Variants in CAPN3 observed in about 807,000 individuals in gnomAD.
CAPN3 encodes the protein calpain 3.
A neutral mutation model predicts 114.0 loss-of-function variants in CAPN3; 88 were observed. The ratio of observed to expected loss-of-function variants is 0.77; its 90% CI spans 0.65 to 0.92. The LOEUF (loss-of-function observed/expected upper bound fraction) is 0.92, where lower values mean the gene tolerates loss of function less well. CAPN3 is among the 40% of genes least tolerant of loss of function. The pLI is 0.00. For missense variants in CAPN3, 1,028 were observed against 1,069.0 expected (o/e 0.96, Z 0.53); for synonymous variants, 386 against 382.9 (o/e 1.01, Z -0.09).
chr15:42,379,648 T>A (rs1253551310), intron 1 of CAPN3, among the ~76,000 whole-genome samples: 1 of 152,208 alleles, frequency 6.6e-6, no homozygotes, highest in Non-Finnish European at 1.5e-5. Flanking sequence ...AGATTGTATG[T>A]CTTCTTGGAA....
chr15:42,372,906 C>T (rs531835602), intron 1 of CAPN3, among the ~76,000 whole-genome samples: 3 of 151,138 alleles, frequency 2.0e-5, no homozygotes, highest in South Asian at 2.1e-4. Context: ...GTCATGGTTT[C>T]GACCAGCCAC....
At chr15:42,411,224 A>G in intron 22 of CAPN3, 63 bp from the exon 23 acceptor site, 2 of 1,369,632 alleles carry the variant, frequency 1.5e-6, no homozygotes, top group Non-Finnish European at 2.1e-6. Context: ...TCTGAGGGGA[A>G]GTTACAGTAG....
At chr15:42,401,542 T>C in intron 10 of CAPN3, 99 bp from the exon 11 acceptor site, 1 of 735,890 alleles carries the variant, frequency 1.4e-6, no homozygotes, top group Non-Finnish European at 2.1e-6. Context: ...CCTAAGCACC[T>C]AGATGTAGGG....
At chr15:42,411,479 G>C in intron 23 of CAPN3, 134 bp downstream of exon 23, 1 of 913,192 alleles carries the variant, frequency 1.1e-6, no homozygotes, top group Non-Finnish European at 1.8e-6. Context: ...ACAGAACATG[G>C]AGGGAGGCTC....
chr15:42,370,514 C>T (rs2052916213), intron 1 of CAPN3, among the ~76,000 whole-genome samples: 1 of 152,112 alleles, frequency 6.6e-6, no homozygotes, highest in Non-Finnish European at 1.5e-5. Context: ...GCTGGCTCAG[C>T]GAGTGGTCTG....
chr15:42,411,019 C>A lies in CAPN3; in HGVS notation c.2380+19C>A. On this transcript the variant is annotated intron_variant, in intron 22 of 23. Transcript: ENST00000397163. ...ATGTTCAGTAAGTGGGAGAGGGGGG[C>A]TGCCCTCTGCTCTCTTGCAGGGGCA... The A allele has an allele frequency of 1.3e-6, 2 of 1,557,090 alleles. No homozygotes were observed. Among genetic ancestry groups the A allele is most frequent in the Non-Finnish European group, 1.8e-6 (2 of 1,128,076 alleles).
At chr15:42,408,164 A>G (rs1295247278) in intron 15 of CAPN3, 47 bp from the exon 16 acceptor site, 8 of 1,304,874 alleles carry the variant, frequency 6.1e-6, no homozygotes, top group Non-Finnish European at 8.9e-6. Context: ...GTGCCTGTTC[A>G]GACTGTAATC....
At chr15:42,386,315 C>G in intron 3 of CAPN3, 30 bp downstream of exon 3, 1 of 1,490,284 alleles carries the variant, frequency 6.7e-7, no homozygotes, top group Non-Finnish European at 9.4e-7. Context: ...GTTAAGAGGG[C>G]CAGCGGCAGG....
intron 7 of CAPN3, 146 bp from the exon 8 acceptor site, chr15:42,394,110 T>A: frequency 1.3e-6 from 1 of 774,440 alleles, no homozygotes; most frequent in Non-Finnish European, 2.3e-6. Context: ...CCCAGCACAC[T>A]TGTGATTAAT....
At chr15:42,406,423 GTAC>G (rs2054023738) in intron 15 of CAPN3, among the ~76,000 whole-genome samples, 1 of 152,104 alleles carries the variant, frequency 6.6e-6, no homozygotes, top group African/African-American at 2.4e-5. Flanking sequence ...GGTCCTCCAG[GTAC>G]TGGTGCTGGC....
intron 1 of CAPN3, among the ~76,000 whole-genome samples, chr15:42,369,867 T>C (rs1566969097): frequency 1.4e-5 from 2 of 140,318 alleles, no homozygotes; most frequent in African/African-American, 6.0e-5. Flanking sequence ...TCTTTCTTTC[T>C]TTCTTTTTTT....
chr15:42,364,083 A>G (rs190173486), intron 1 of CAPN3, among the ~76,000 whole-genome samples: 5 of 152,280 alleles, frequency 3.3e-5, no homozygotes, highest in African/African-American at 1.2e-4. Flanking sequence ...TCAAGACACA[A>G]CAGGCATTGA....
Position 42,392,727 on chromosome 15 carries a change from G to A in CAPN3, c.1029+5G>A, listed in dbSNP as rs766868470. The A allele has an allele frequency of 1.2e-6, 2 of 1,613,028 alleles. No homozygotes were observed. The highest frequency in any genetic ancestry group is 1.7e-6 in the Non-Finnish European group (2 of 1,179,200). The stretch of plus-strand genomic sequence containing the variant: ...TCTGTCACGGGGCTGGATGAGGTAA[G>A]CCTGGTGGGGCTTGGTGGGGCAAGG... On this transcript the variant is annotated splice_donor_5th_base_variant and intron_variant, in intron 7 of 23. Coordinates refer to ENST00000397163, the MANE Select transcript of CAPN3 (RefSeq NM_000070.3).
intron 6 of CAPN3, among the ~76,000 whole-genome samples, chr15:42,391,934 C>T (rs200348982): frequency 2.6e-5 from 4 of 152,078 alleles, no homozygotes; most frequent in African/African-American, 4.8e-5. Context: ...GAGGCTGAGG[C>T]GGGTGGATCA....
At position 42,408,203 on chromosome 15, in the gene CAPN3, C is replaced by T; in HGVS notation, c.1801-8C>T. 1 of 1,601,446 alleles carries T rather than the reference C, an allele frequency of 6.2e-7. No homozygotes were observed. Among genetic ancestry groups the T allele is most frequent in the South Asian group, 1.1e-5 (1 of 90,774 alleles). On this transcript the variant is annotated splice_region_variant and splice_polypyrimidine_tract_variant and intron_variant, in intron 15 of 23. Transcript: ENST00000397163. The stretch of plus-strand genomic sequence containing the variant: ...CCTTCCTTCCTGCCTCCTCCCTCCT[C>T]TCTCCAGCCCATCATCTTCGTTTCG...
intron 1 of CAPN3, among the ~76,000 whole-genome samples, chr15:42,362,378 C>A (rs1007296920): frequency 2.6e-5 from 4 of 152,178 alleles, no homozygotes; most frequent in South Asian, 2.1e-4. Context: ...AATAAAAATT[C>A]TTTAAGGGCC....
intron 1 of CAPN3, among the ~76,000 whole-genome samples, chr15:42,370,680 T>A (rs2052920416): frequency 6.6e-6 from 1 of 152,142 alleles, no homozygotes; most frequent in Admixed American, 6.5e-5. Context: ...GAACACTGAC[T>A]CGGCCACTAG....
At chr15:42,382,793 T>G (rs180698448) in intron 1 of CAPN3, among the ~76,000 whole-genome samples, 1 of 152,368 alleles carries the variant, frequency 6.6e-6, no homozygotes, top group East Asian at 1.9e-4. Flanking sequence ...GCCAAAATGT[T>G]ACATTTTAAG....
intron 8 of CAPN3, among the ~76,000 whole-genome samples, chr15:42,396,241 A>ATTTT (rs554769961): frequency 4.8e-5 from 6 of 125,782 alleles, no homozygotes; most frequent in South Asian, 2.5e-4. Flanking sequence ...TCCAGAACCC[A>ATTTT]TTTTTTTTTT....
Sources: gnomAD v4.1 joint callset for allele counts (sites outside exome capture counted in the v4.1 genomes callset) on GRCh38, gnomAD v4.1.1 for gene constraint, MANE v1.5 for transcripts, NCBI Gene and HGNC (gene_info 2026-07-23, HGNC 2026-07-21) for gene names.